WDR7: variants seen among roughly 807,000 people sequenced by gnomAD.
WDR7 encodes WD repeat domain 7.
WDR7 carries 46 observed loss-of-function variants against 169.4 expected under a neutral mutation model. That is an observed-to-expected ratio of 0.27 (90% CI 0.21 to 0.35). The LOEUF (loss-of-function observed/expected upper bound fraction) is 0.35. Among genes scored for constraint, WDR7 ranks in the 10% least tolerant of loss-of-function variants. WDR7 has a pLI of 1.00. For missense variants in WDR7, 1,534 were observed against 1,859.3 expected (o/e 0.83, Z 3.22); for synonymous variants, 612 against 666.8 (o/e 0.92, Z 1.27).
chr18:56,928,239 G>A (rs537817361), intron 22 of WDR7, among the ~76,000 whole-genome samples: 12 of 152,222 alleles, frequency 7.9e-5, no homozygotes, highest in African/African-American at 2.6e-4. Flanking sequence ...CGAGGTGGGA[G>A]GATTGCTTGA....
chr18:56,712,195 G>T (rs1216181730), intron 12 of WDR7, among the ~76,000 whole-genome samples: 1 of 152,202 alleles, frequency 6.6e-6, no homozygotes, highest in Non-Finnish European at 1.5e-5. Flanking sequence ...CTAGTGGATG[G>T]GATAAACTAG....
intron 19 of WDR7, among the ~76,000 whole-genome samples, chr18:56,791,615 G>T (rs2044486448): frequency 6.6e-6 from 1 of 152,146 alleles, no homozygotes; most frequent in Non-Finnish European, 1.5e-5. Flanking sequence ...ATGGCTGGAG[G>T]ATTGGGCCTT....
At chr18:56,659,783 G>A (rs1157005444) in intron 1 of WDR7, among the ~76,000 whole-genome samples, 6 of 152,214 alleles carry the variant, frequency 3.9e-5, no homozygotes, top group Non-Finnish European at 8.8e-5. Context: ...ATAGGCAGTT[G>A]TATGTAGAGT....
intron 26 of WDR7, among the ~76,000 whole-genome samples, chr18:56,987,285 CAAA>C (rs74182165): frequency 0.33 from 24,709 of 74,088 alleles, 2,829 homozygotes; most frequent in Middle Eastern, 0.39. Context: ...TCATCTGTAC[CAAA>C]AAAAAAAAAA....
chr18:56,978,564 A>G (rs2047599084), intron 26 of WDR7, among the ~76,000 whole-genome samples: 1 of 152,222 alleles, frequency 6.6e-6, no homozygotes, highest in Non-Finnish European at 1.5e-5. Context: ...TCAAGGGAAA[A>G]TAATCATTAA....
intron 20 of WDR7, 47 bp from the exon 21 acceptor site, chr18:56,879,897 T>A (rs764721514): frequency 6.8e-7 from 1 of 1,462,370 alleles, no homozygotes; most frequent in South Asian, 1.2e-5. Context: ...TGTGTCTTTT[T>A]GTATATTGAT....
intron 20 of WDR7, among the ~76,000 whole-genome samples, chr18:56,817,614 C>T (rs766784971): frequency 6.6e-6 from 1 of 152,018 alleles, no homozygotes; most frequent in Non-Finnish European, 1.5e-5. Context: ...TGTGTAAGTT[C>T]ATTGATGAAA....
At chr18:57,032,014 A>AG, downstream of WDR7, 1 of 152,332 alleles carries the variant, frequency 6.6e-6, no homozygotes, top group Middle Eastern at 3.4e-3. Context: ...TCCTATCCAA[A>AG]GGAGGGCTCC....
intron 12 of WDR7, among the ~76,000 whole-genome samples, chr18:56,704,486 G>A (rs1189111193): frequency 6.6e-6 from 1 of 152,116 alleles, no homozygotes; most frequent in African/African-American, 2.4e-5. Flanking sequence ...CTGCAGTGAG[G>A]CATGATTGCG....
At chr18:56,872,987 G>C (rs1378448872) in intron 20 of WDR7, among the ~76,000 whole-genome samples, 1 of 152,106 alleles carries the variant, frequency 6.6e-6, no homozygotes, top group African/African-American at 2.4e-5. Context: ...ATAATTTAAA[G>C]ATATTTCCAA....
chr18:57,020,936 C>T, intron 27 of WDR7, 87 bp downstream of exon 27: 2 of 1,197,810 alleles, frequency 1.7e-6, no homozygotes, highest in Non-Finnish European at 1.2e-6. Context: ...TACCTGCCGG[C>T]CCTCCTTCCT....
chr18:56,926,920 T>C (rs1215278318), intron 22 of WDR7, among the ~76,000 whole-genome samples: 1 of 152,136 alleles, frequency 6.6e-6, no homozygotes, highest in African/African-American at 2.4e-5. Context: ...TAAGTGTGGA[T>C]CTTACCCTTG....
chr18:56,745,357 C>T (rs1416367994), intron 14 of WDR7, among the ~76,000 whole-genome samples: 3 of 152,166 alleles, frequency 2.0e-5, no homozygotes, highest in African/African-American at 4.8e-5. Flanking sequence ...AATAGTGTGA[C>T]ATCTAATTAG....
At chr18:56,919,279 C>A (rs567688183) in intron 21 of WDR7, among the ~76,000 whole-genome samples, 1 of 152,292 alleles carries the variant, frequency 6.6e-6, no homozygotes, top group East Asian at 1.9e-4. Flanking sequence ...TTAAAAGGAG[C>A]TGGACTTAAC....
chr18:56,758,096 G>C (rs913259216), intron 15 of WDR7, among the ~76,000 whole-genome samples: 6 of 152,084 alleles, frequency 3.9e-5, no homozygotes, highest in Non-Finnish European at 8.8e-5. Context: ...AATAGAGAAA[G>C]AAAAAACTAT....
chr18:57,035,965 A>G, the WDR7 span: 1 of 152,248 alleles, frequency 6.6e-6, no homozygotes, highest in African/African-American at 2.4e-5. Context: ...TGGCATGGTT[A>G]GCAGGAGCTC....
chr18:56,708,954 G>A (rs987096778), intron 12 of WDR7, among the ~76,000 whole-genome samples: 3 of 151,380 alleles, frequency 2.0e-5, no homozygotes, highest in African/African-American at 4.9e-5. Context: ...AACAACAACA[G>A]CAACAACAAC....
rs1477194753 is a variant in WDR7 at position 56,912,983 on chromosome 18, T to C, written c.3527-10939T>C. On this transcript the variant is annotated intron_variant, in intron 21 of 27. Coordinates refer to ENST00000254442, the MANE Select transcript of WDR7 (RefSeq NM_015285.3). ...TTTACCTCCTGGGCTCAAGGGATCC[T>C]CTTATATCAGCCTCCCAGCTAGCTG... Among the ~76,000 whole-genome samples the C allele has an allele frequency of 2.0e-5, 3 of 151,866 alleles. No individual in the cohort carries two copies. The East Asian group carries it at 5.8e-4, about 29-fold the overall frequency.
chr18:56,672,659 T>A lies in WDR7; in HGVS notation c.144T>A (p.Leu48=), dbSNP rs1367389128. The change falls in exon 2 of 28, where the codon CTT becomes CTA. Residue 48 remains leucine (L), a synonymous_variant. Transcript: ENST00000254442. ...ACGGACAAATATGTCTCTGGGATCTTTCAGTAGAACTGCAAGTGAGTATGT... is the reference window on the plus strand; with the variant it reads ...ACGGACAAATATGTCTCTGGGATCTATCAGTAGAACTGCAAGTGAGTATGT... ...CHDGQICLWD[L]SVELQINPRA... is the part of the protein sequence containing the mutation. The A allele has an allele frequency of 1.2e-6, 2 of 1,608,946 alleles. No homozygotes were observed. The highest frequency in any genetic ancestry group is 1.7e-6 in the Non-Finnish European group (2 of 1,177,994).
Sources: gnomAD v4.1 joint callset for allele counts (sites outside exome capture counted in the v4.1 genomes callset) on GRCh38, gnomAD v4.1.1 for gene constraint, MANE v1.5 for transcripts, NCBI Gene and HGNC (gene_info 2026-07-23, HGNC 2026-07-21) for gene names.